The following BANP variants were observed in gnomAD, a reference collection of about 807,000 sequenced individuals.
The protein encoded by BANP is BTG3 associated nuclear protein, also known as protein BANP.
A neutral mutation model predicts 68.1 loss-of-function variants in BANP; 11 were observed. The ratio of observed to expected loss-of-function variants is 0.16; its 90% confidence interval spans 0.10 to 0.27. The LOEUF is 0.27. Among genes scored for constraint, BANP ranks in the 10% least tolerant of loss-of-function variants. BANP has a pLI of 1.00. For synonymous variants in BANP, 329 were observed against 303.2 expected (o/e 1.09, Z -0.88); for missense variants, 504 against 722.7 (o/e 0.70, Z 3.47).
chr16:88,023,087 G>C (rs2076317979), intron 7 of BANP, among the ~76,000 whole-genome samples: 1 of 152,198 alleles, frequency 6.6e-6, no homozygotes, highest in Admixed American at 6.5e-5. Context: ...TGTCCTTAAG[G>C]CAGAATGTGG....
Position 88,077,009 on chromosome 16 carries a change from T to A in BANP, c.*348T>A, listed in dbSNP as rs912807178. 5 of 242,540 alleles carry A rather than the reference T, an allele frequency of 2.1e-5. No homozygotes were observed. The highest frequency in any genetic ancestry group is 9.2e-5 in the African/African-American group (4 of 43,534). 15.0% of individuals were successfully genotyped at this position (242,540 alleles called of 1,614,324 possible). ...TGGTGTTTATAACAAAAAAGAAAAT[T>A]TGAAAAAAAAAATCCCAGGGGAGTA... On this transcript the variant is annotated 3_prime_UTR_variant, in exon 14 of 14. Coordinates refer to ENST00000682872, the MANE Select transcript of BANP (RefSeq NM_001386991.1).
At chr16:88,028,980 A>C (rs2077545850) in intron 8 of BANP, among the ~76,000 whole-genome samples, 1 of 152,196 alleles carries the variant, frequency 6.6e-6, no homozygotes, top group Admixed American at 6.5e-5. Context: ...TCCAATAAGC[A>C]CTGCATTAGT....
intron 4 of BANP, among the ~76,000 whole-genome samples, chr16:88,001,900 A>G (rs2069476629): frequency 7.2e-6 from 1 of 139,362 alleles, no homozygotes; most frequent in African/African-American, 2.7e-5. Context: ...CCTAACCATA[A>G]GGCCCTAAGT....
chr16:88,021,171 C>G lies in BANP; in HGVS notation c.895+2504C>G, dbSNP rs571408607. Among the ~76,000 whole-genome samples, 173 of 152,336 alleles carry G rather than the reference C, an allele frequency of 1.1e-3. 1 individual carries two copies. The highest frequency in any genetic ancestry group is 3.7e-3 in the African/African-American group (155 of 41,584). ...GGCCCGCTGGCTTCGGGGCCATCCT[C>G]CAGACAGCTGAGGTCATTGGCTGTG... On this transcript the variant is annotated intron_variant, in intron 7 of 13. Transcript: ENST00000682872.
Position 88,048,059 on chromosome 16 carries a change from G to A in BANP, c.1311+10048G>A, listed in dbSNP as rs549751283. On this transcript the variant is annotated intron_variant, in intron 11 of 13. Coordinates refer to ENST00000682872, the MANE Select transcript of BANP (RefSeq NM_001386991.1). Reference sequence around the variant, plus strand: ...GCTCAAAGAGCACCAAGGCCTGCTGGGCCCTCTGACTTGTGTGGCTTCCGC... The same window carrying A: ...GCTCAAAGAGCACCAAGGCCTGCTGAGCCCTCTGACTTGTGTGGCTTCCGC... Among the ~76,000 whole-genome samples the A allele has an allele frequency of 7.2e-5, 11 of 152,342 alleles. No individual in the cohort carries two copies. The South Asian group carries it at 2.1e-3, about 29-fold the overall frequency.
At chr16:87,990,294 T>C (rs1222464809) in intron 4 of BANP, among the ~76,000 whole-genome samples, 2 of 152,226 alleles carry the variant, frequency 1.3e-5, no homozygotes, top group African/African-American at 4.8e-5. Context: ...TGTATAAGAC[T>C]AGTTCTGGAA....
intron 8 of BANP, among the ~76,000 whole-genome samples, chr16:88,030,029 G>T (rs902886142): frequency 3.3e-5 from 5 of 152,264 alleles, no homozygotes; most frequent in African/African-American, 9.6e-5. Context: ...TCAGTGATCA[G>T]TCGCTGCACT....
At position 87,960,270 on chromosome 16, in the gene BANP, C is replaced by G. The variant is rs1015960269; in HGVS notation, c.-69+8755C>G. On this transcript the variant is annotated intron_variant, in intron 1 of 13. Coordinates refer to ENST00000682872, the MANE Select transcript of BANP (RefSeq NM_001386991.1). ...TGCTTGTGGGGCTCTTGTCTGACAC[C>G]TGGGAGATGAATTTCAGTCTGATGG... Among the ~76,000 whole-genome samples the G allele has an allele frequency of 4.6e-5, 7 of 152,122 alleles. No individual in the cohort carries two copies. In the East Asian group the frequency reaches 1.2e-3, roughly 25 times the overall value.
At chr16:88,029,557 G>A (rs2077701848) in intron 8 of BANP, among the ~76,000 whole-genome samples, 1 of 149,282 alleles carries the variant, frequency 6.7e-6, no homozygotes, top group Non-Finnish European at 1.5e-5. Flanking sequence ...CTTGCAGTGA[G>A]CCGAGATCAC....
Position 88,018,721 on chromosome 16 carries a change from C to A in BANP, c.895+54C>A. 6.6e-7 allele frequency: 1 copy of A among 1,520,900 alleles called. No individual in the cohort carries two copies. Among genetic ancestry groups the A allele is most frequent in the Non-Finnish European group, 8.9e-7 (1 of 1,128,292 alleles). 94.2% of individuals were successfully genotyped at this position (1,520,900 alleles called of 1,614,324 possible). On this transcript the variant is annotated intron_variant, in intron 7 of 13. Coordinates refer to ENST00000682872, the MANE Select transcript of BANP (RefSeq NM_001386991.1). This position sits in a 1 kb window ranked among gnomAD's most constrained non-coding sequence, Gnocchi z 7.7. Reference sequence around the variant, plus strand: ...GGGTGTGCGGGGAGCTGGGTCAGGACCCACATTTCAATGCTGAGGACGCTG... The same window carrying A: ...GGGTGTGCGGGGAGCTGGGTCAGGAACCACATTTCAATGCTGAGGACGCTG...
At chr16:87,971,182 AC>A (rs2061047396) in intron 1 of BANP, among the ~76,000 whole-genome samples, 1 of 152,174 alleles carries the variant, frequency 6.6e-6, no homozygotes, top group Non-Finnish European at 1.5e-5. Flanking sequence ...GAAAGTTGTT[AC>A]ATTTGTTTTT....
At chr16:88,026,684 T>G (rs1375847499) in intron 7 of BANP, among the ~76,000 whole-genome samples, 1 of 151,008 alleles carries the variant, frequency 6.6e-6, no homozygotes, top group African/African-American at 2.4e-5. Context: ...AATACATAAC[T>G]TGAATTCTCC....
At position 88,027,492 on chromosome 16, in the gene BANP, T is replaced by C. The variant is rs781413395; in HGVS notation, c.905T>C (p.Phe302Ser). Residue 302 changes from phenylalanine to serine, a missense_variant, in exon 8 of 14, where the codon TTC becomes TCC. By Grantham distance (155) the Phe-to-Ser change is radical. Transcript: ENST00000682872. The part of the protein sequence containing the change: ...LTIYGIRCHL[F>S]YKFGITESDW... Reference sequence around the variant, plus strand: ...GGATGTGTCCTTCCAGGTCACCTTTTCTATAAATTTGGCATCACAGAATCC... The same window carrying C: ...GGATGTGTCCTTCCAGGTCACCTTTCCTATAAATTTGGCATCACAGAATCC... 1 of 1,613,654 alleles carries C rather than the reference T, an allele frequency of 6.2e-7. No homozygotes were observed. Among genetic ancestry groups the C allele is most frequent in the Non-Finnish European group, 8.5e-7 (1 of 1,179,854 alleles).
chr16:88,025,960 C>T (rs1229310204), intron 7 of BANP, among the ~76,000 whole-genome samples: 1 of 152,208 alleles, frequency 6.6e-6, no homozygotes, highest in African/African-American at 2.4e-5. Flanking sequence ...CCCATCATGC[C>T]CACATTCGTC....
In BANP at chr16:88,044,108, C is replaced by T. The variant is rs369419080; in HGVS notation, c.1311+6097C>T. On this transcript the variant is annotated intron_variant, in intron 11 of 13. Coordinates refer to ENST00000682872, the MANE Select transcript of BANP (RefSeq NM_001386991.1). ...TGCAGCTGCTTTGCTGCCGTGGGTA[C>T]CCTGAGCCAGTGCTGTGTGACCTGG... 3.3e-4 allele frequency among the ~76,000 whole-genome samples: 51 copies of T among 152,302 alleles called. 1 individual carries two copies. The highest frequency in any genetic ancestry group is 1.2e-3 in the African/African-American group (50 of 41,560).
chr16:88,076,473 G>T, intron 13 of BANP, 117 bp from the exon 14 acceptor site: 1 of 846,196 alleles, frequency 1.2e-6, no homozygotes, highest in South Asian at 1.8e-5. Flanking sequence ...GGGCTCCTTC[G>T]CGCTCCTGTG....
At chr16:87,993,978 G>A (rs1015472396) in intron 4 of BANP, among the ~76,000 whole-genome samples, 1 of 150,154 alleles carries the variant, frequency 6.7e-6, no homozygotes, top group Non-Finnish European at 1.5e-5. Context: ...CCTAGAATGA[G>A]CCGTTTCTCC....
At chr16:87,976,944 C>A (rs951883963) in intron 2 of BANP, among the ~76,000 whole-genome samples, 2 of 152,202 alleles carry the variant, frequency 1.3e-5, no homozygotes, top group Non-Finnish European at 2.9e-5. Flanking sequence ...GTTCCAGTTA[C>A]ATCATTTTTG....
chr16:88,047,584 A>G (rs1381627895), intron 11 of BANP, among the ~76,000 whole-genome samples: 1 of 152,176 alleles, frequency 6.6e-6, no homozygotes, highest in Non-Finnish European at 1.5e-5. Context: ...ATTCAAATCC[A>G]GACTCCTCCT....
Sources: allele counts gnomAD v4.1 joint callset (sites outside exome capture counted in the v4.1 genomes callset), GRCh38; gene constraint gnomAD v4.1.1; non-coding constraint Gnocchi (gnomAD v3.1); transcripts MANE v1.5; gene names NCBI Gene and HGNC (gene_info 2026-07-23, HGNC 2026-07-21).